The following DOK5 variants were observed in gnomAD, a reference collection of about 807,000 sequenced individuals.
DOK5 encodes docking protein 5, also known as downstream of tyrosine kinase 5.
A neutral mutation model predicts 43.3 loss-of-function variants in DOK5; 27 were observed. That is an observed-to-expected ratio of 0.62 (90% CI 0.46 to 0.86). The LOEUF (loss-of-function observed/expected upper bound fraction) is 0.86, where lower values mean the gene tolerates loss of function less well. Ranked by LOEUF, DOK5 falls within the 40% of genes least tolerant of loss-of-function variation. The pLI, the probability that DOK5 is intolerant of heterozygous loss-of-function variation, is 0.00. For missense variants in DOK5, 373 were observed against 392.9 expected (o/e 0.95, Z 0.43); for synonymous variants, 146 against 140.1 (o/e 1.04, Z -0.30).
chr20:54,593,999 G>A (rs1293099755), intron 5 of DOK5, among the ~76,000 whole-genome samples: 1 of 152,070 alleles, frequency 6.6e-6, no homozygotes, highest in African/African-American at 2.4e-5. Flanking sequence ...ATCTGAGGGT[G>A]GAGGATGGGG....
intron 1 of DOK5, among the ~76,000 whole-genome samples, chr20:54,507,128 C>T (rs750770673): frequency 1.3e-5 from 2 of 152,138 alleles, no homozygotes; most frequent in Non-Finnish European, 2.9e-5. Context: ...CTTATTACCA[C>T]GTTACAGGAG....
At chr20:54,509,254 A>T (rs946843041) in intron 1 of DOK5, among the ~76,000 whole-genome samples, 6 of 152,214 alleles carry the variant, frequency 3.9e-5, no homozygotes, top group Non-Finnish European at 7.3e-5. Flanking sequence ...ACAGTAGTGC[A>T]GTCATGGCTC....
chr20:54,593,584 C>T (rs756874389), intron 5 of DOK5, among the ~76,000 whole-genome samples: 10 of 152,100 alleles, frequency 6.6e-5, no homozygotes, highest in South Asian at 4.1e-4. Flanking sequence ...CCAAGCACTT[C>T]GGGAGGCCAA....
At chr20:54,478,697 C>A (rs749648609) in intron 1 of DOK5, among the ~76,000 whole-genome samples, 30 of 152,188 alleles carry the variant, frequency 2.0e-4, no homozygotes, top group Non-Finnish European at 3.1e-4. Context: ...GCTTCTATTG[C>A]TTGTTGACCT....
At chr20:54,547,904 T>C (rs915024802) in intron 1 of DOK5, among the ~76,000 whole-genome samples, 1 of 152,248 alleles carries the variant, frequency 6.6e-6, no homozygotes, top group African/African-American at 2.4e-5. Flanking sequence ...TTTTCAAATA[T>C]ACAATTTCAG....
At position 54,586,691 on chromosome 20, in the gene DOK5, G is replaced by A. The variant is rs185956592; in HGVS notation, c.175-1792G>A. ...TTGAGACTGACTAGGTGTTAGGATGGGAGGTGTCCAGTGGGGCCTCTGTGG... is the reference window on the plus strand; with the variant it reads ...TTGAGACTGACTAGGTGTTAGGATGAGAGGTGTCCAGTGGGGCCTCTGTGG... On this transcript the variant is annotated intron_variant, in intron 2 of 7. Transcript: ENST00000262593. Among the ~76,000 whole-genome samples, 302 of 152,308 alleles carry A rather than the reference G, an allele frequency of 2.0e-3. 2 individuals carry two copies. The highest frequency in any genetic ancestry group is 3.4e-3 in the Middle Eastern group (1 of 294).
At chr20:54,636,393 T>C (rs940143120) in intron 6 of DOK5, among the ~76,000 whole-genome samples, 106 of 152,200 alleles carry the variant, frequency 7.0e-4, no homozygotes, top group African/African-American at 2.5e-3. Flanking sequence ...GGCCACAAGA[T>C]TTGCAACTTC....
chr20:54,488,544 T>G (rs1189608745), intron 1 of DOK5, among the ~76,000 whole-genome samples: 1 of 152,180 alleles, frequency 6.6e-6, no homozygotes, highest in Non-Finnish European at 1.5e-5. Context: ...TATATACATT[T>G]TTTTCTTGTT....
intron 5 of DOK5, among the ~76,000 whole-genome samples, chr20:54,606,966 A>C (rs1185823457): frequency 6.6e-6 from 1 of 152,180 alleles, no homozygotes; most frequent in Non-Finnish European, 1.5e-5. Context: ...GATCTGGTTG[A>C]TTAAGGCCTT....
chr20:54,547,099 A>G (rs1322814716), intron 1 of DOK5, among the ~76,000 whole-genome samples: 2 of 152,182 alleles, frequency 1.3e-5, no homozygotes, highest in Non-Finnish European at 2.9e-5. Context: ...TTGGCAAACT[A>G]TGGTCCACAG....
chr20:54,641,528 C>A (rs1421807369), intron 6 of DOK5, among the ~76,000 whole-genome samples: 1 of 141,638 alleles, frequency 7.1e-6, no homozygotes, highest in African/African-American at 2.7e-5. Context: ...ATGGGCATTG[C>A]AATTTCTAAT....
chr20:54,510,406 T>C (rs115697974), intron 1 of DOK5, among the ~76,000 whole-genome samples: 11 of 152,278 alleles, frequency 7.2e-5, no homozygotes, highest in African/African-American at 2.6e-4. Context: ...TTTTATTAGA[T>C]TTAAAGAGAG....
rs922983648 is a variant in DOK5, at chr20:54,595,209, T to C, written c.599+3404T>C. 6.6e-5 allele frequency among the ~76,000 whole-genome samples: 10 copies of C among 152,004 alleles called. No homozygotes were observed. The East Asian group carries it at 9.7e-4, about 15-fold the overall frequency. On this transcript the variant is annotated intron_variant, in intron 5 of 7. Coordinates refer to ENST00000262593, the MANE Select transcript of DOK5 (RefSeq NM_018431.5). The stretch of plus-strand genomic sequence containing the variant: ...ACAAAAAATTAGCCGGGCGTGGTAG[T>C]GGGCACCTGTGGTCCCAGCTACTCG...
chr20:54,499,211 T>G (rs1982505387), intron 1 of DOK5, among the ~76,000 whole-genome samples: 1 of 152,232 alleles, frequency 6.6e-6, no homozygotes, highest in Non-Finnish European at 1.5e-5. Context: ...GAGAGGAGGA[T>G]TCTTACATGC....
At chr20:54,593,842 CA>C (rs1986053178) in intron 5 of DOK5, among the ~76,000 whole-genome samples, 1 of 152,170 alleles carries the variant, frequency 6.6e-6, no homozygotes, top group Non-Finnish European at 1.5e-5. Flanking sequence ...ACGTCCTTTG[CA>C]GGGACATGGA....
intron 1 of DOK5, among the ~76,000 whole-genome samples, chr20:54,519,308 T>C (rs6098043): frequency 0.021 from 3,190 of 152,332 alleles, 116 homozygotes; most frequent in African/African-American, 0.074. Flanking sequence ...ATGATGTATG[T>C]TTAATATTTA....
chr20:54,580,887 CCTA>C (rs1985617189), intron 2 of DOK5, among the ~76,000 whole-genome samples: 2 of 151,902 alleles, frequency 1.3e-5, no homozygotes, highest in Admixed American at 1.3e-4. Flanking sequence ...TTGATGTAGT[CCTA>C]CTTGTCTATT....
chr20:54,638,181 A>C (rs1466084061), intron 6 of DOK5, among the ~76,000 whole-genome samples: 3 of 151,998 alleles, frequency 2.0e-5, no homozygotes, highest in Non-Finnish European at 4.4e-5. Context: ...GAGCAGAAGG[A>C]AGGCTAGGTT....
intron 2 of DOK5, among the ~76,000 whole-genome samples, chr20:54,587,128 A>G (rs1237499317): frequency 6.6e-6 from 1 of 152,208 alleles, no homozygotes; most frequent in Non-Finnish European, 1.5e-5. Flanking sequence ...GCAAAAAATA[A>G]AAATAAACAA....
Sources: allele counts gnomAD v4.1 joint callset (sites outside exome capture counted in the v4.1 genomes callset), GRCh38; gene constraint gnomAD v4.1.1; transcripts MANE v1.5; gene names NCBI Gene and HGNC (gene_info 2026-07-23, HGNC 2026-07-21).